The following TCOF1 variants were observed in gnomAD, a reference collection of about 807,000 sequenced individuals.
TCOF1 encodes the protein treacle protein.
Under a neutral mutation model 149.0 loss-of-function variants are expected in TCOF1, and 33 were observed. The observed-to-expected ratio is 0.22, with a 90% confidence interval of 0.17 to 0.30. TCOF1 has a LOEUF of 0.30. Among genes scored for constraint, TCOF1 ranks in the 10% least tolerant of loss-of-function variants. The pLI is 1.00. For missense variants in TCOF1, 1,728 were observed against 1,840.7 expected (o/e 0.94, Z 1.12); for synonymous variants, 789 against 738.8 (o/e 1.07, Z -1.10).
intron 1 of TCOF1, among the ~76,000 whole-genome samples, chr5:150,359,068 C>T (rs1759375820): frequency 6.6e-6 from 1 of 151,752 alleles, no homozygotes; most frequent in African/African-American, 2.4e-5. Context: ...CATAGCAGGC[C>T]AGGTACGGTA....
rs1202359312 is a variant in TCOF1, at chr5:150,378,895, C to G, written c.2341-10C>G. The G allele has an allele frequency of 6.2e-7, 1 of 1,614,064 alleles. No individual in the cohort carries two copies. The highest frequency in any genetic ancestry group is 8.5e-7 in the Non-Finnish European group (1 of 1,180,034). On this transcript the variant is annotated splice_polypyrimidine_tract_variant and intron_variant, in intron 14 of 26. Transcript: ENST00000643257. ...CCTTCTCCCTCCTTAATTCCCTTTTCTCCACTCAGGTGAAAACCTCAGTAA... is the reference window on the plus strand; with the variant it reads ...CCTTCTCCCTCCTTAATTCCCTTTTGTCCACTCAGGTGAAAACCTCAGTAA...
At chr5:150,388,310 T>C (rs1176445181) in intron 18 of TCOF1, among the ~76,000 whole-genome samples, 1 of 152,162 alleles carries the variant, frequency 6.6e-6, no homozygotes, top group East Asian at 1.9e-4. Context: ...GCAGCCCCAG[T>C]CATGGAGCCC....
chr5:150,398,529 C>T (rs1769066705), intron 25 of TCOF1, 78 bp downstream of exon 25: 1 of 1,600,824 alleles, frequency 6.2e-7, no homozygotes, highest in Non-Finnish European at 8.5e-7. Flanking sequence ...AGACCTGGTT[C>T]CTGCCCCCTT....
chr5:150,399,646 C>G (rs1769374686), intron 26 of TCOF1, among the ~76,000 whole-genome samples, 164 bp from the exon 27 acceptor site: 1 of 152,154 alleles, frequency 6.6e-6, no homozygotes, highest in South Asian at 2.1e-4. Flanking sequence ...TGAAGCTAAA[C>G]TAAACACTAA....
At chr5:150,398,051 T>C (rs1768936572) in intron 24 of TCOF1, among the ~76,000 whole-genome samples, 1 of 152,186 alleles carries the variant, frequency 6.6e-6, no homozygotes, top group Non-Finnish European at 1.5e-5. Flanking sequence ...GCCCCCCAAA[T>C]AGCTGGGACC....
At chr5:150,367,594 G>T in intron 3 of TCOF1, 2 of 510,854 alleles carry the variant, frequency 3.9e-6, no homozygotes. Flanking sequence ...TCATGCTGCG[G>T]GGGAGTTGGG....
chr5:150,374,211 C>T lies in TCOF1; in HGVS notation c.908C>T (p.Ala303Val), dbSNP rs1355198374. 6.2e-7 allele frequency: 1 copy of T among 1,612,866 alleles called. No individual in the cohort carries two copies. The change falls in exon 8 of 27, where the codon GCC becomes GTC. Residue 303 changes from alanine to valine, a missense_variant. Ala to Val is a moderately conservative substitution (Grantham distance 64, BLOSUM62 0). Around this residue, in one of 2 missense-constraint regions of TCOF1, gnomAD observed 1,696 missense variants for 1,765.4 expected, o/e 0.96. Coordinates refer to ENST00000643257, the MANE Select transcript of TCOF1 (RefSeq NM_001371623.1). Reference sequence around the variant, plus strand: ...GAAAAAATTCTCCAGGTCAGAGCTGCCTCAGCCCCTGCCAAGGGGACCCCT... The same window carrying T: ...GAAAAAATTCTCCAGGTCAGAGCTGTCTCAGCCCCTGCCAAGGGGACCCCT... The part of the protein sequence containing the change: ...ASEKILQVRA[A>V]SAPAKGTPGK...
chr5:150,398,737 C>T (rs1195714158), intron 25 of TCOF1, among the ~76,000 whole-genome samples: 1 of 152,240 alleles, frequency 6.6e-6, no homozygotes, highest in Non-Finnish European at 1.5e-5. Context: ...TGAAAGGAAA[C>T]GTTGCCTGGG....
intron 17 of TCOF1, among the ~76,000 whole-genome samples, chr5:150,382,831 A>G (rs1765496140): frequency 6.6e-6 from 1 of 152,186 alleles, no homozygotes; most frequent in African/African-American, 2.4e-5. Flanking sequence ...GGAGTCATAA[A>G]TCCCTTTCAT....
At chr5:150,384,447 A>G in intron 17 of TCOF1, 1 of 985,322 alleles carries the variant, frequency 1.0e-6, no homozygotes, top group Non-Finnish European at 1.2e-6. Context: ...TCACATTCTG[A>G]CCCGTTGCCT....
At chr5:150,395,586 C>A (rs1768310369) in intron 23 of TCOF1, among the ~76,000 whole-genome samples, 1 of 151,290 alleles carries the variant, frequency 6.6e-6, no homozygotes, top group South Asian at 2.1e-4. Context: ...CAAAGGCAAG[C>A]AGAGGCGTGG....
chr5:150,372,384 A>G lies in TCOF1; in HGVS notation c.870+148A>G. 3 of 718,966 alleles carry G rather than the reference A, an allele frequency of 4.2e-6. No individual in the cohort carries two copies. The Admixed American group carries it at 8.6e-5, about 21-fold the overall frequency. 44.5% of individuals were successfully genotyped at this position (718,966 alleles called of 1,614,324 possible). A position where few individuals can be genotyped will look rare whatever the true frequency, so the allele number is the denominator to read the frequency against. On this transcript the variant is annotated intron_variant, in intron 7 of 26. Coordinates refer to ENST00000643257, the MANE Select transcript of TCOF1 (RefSeq NM_001371623.1). The stretch of plus-strand genomic sequence containing the variant: ...AGAGCAAGAACAGCCTGCTTCCCAC[A>G]GGGGAGTCTTGCACTCCACTTTGTC...
chr5:150,358,177 C>T (rs1391802492), intron 1 of TCOF1, among the ~76,000 whole-genome samples: 1 of 152,094 alleles, frequency 6.6e-6, no homozygotes, highest in East Asian at 1.9e-4. Context: ...AAGTCTCCCG[C>T]CACGTGGCTA....
chr5:150,374,035 G>C, intron 7 of TCOF1, 139 bp from the exon 8 acceptor site: 1 of 953,622 alleles, frequency 1.0e-6, no homozygotes, highest in East Asian at 2.6e-5. Context: ...TGTGGCCAAA[G>C]TATCAGTCAA....
intron 2 of TCOF1, among the ~76,000 whole-genome samples, chr5:150,363,408 C>T (rs532168591): frequency 5.9e-5 from 9 of 152,268 alleles, no homozygotes; most frequent in African/African-American, 7.2e-5. Flanking sequence ...GGTCAATGGG[C>T]GTGAGACTTC....
At chr5:150,361,131 T>G (rs1408502536) in intron 1 of TCOF1, 25 bp from the exon 2 acceptor site, 1 of 1,614,108 alleles carries the variant, frequency 6.2e-7, no homozygotes, top group South Asian at 1.1e-5. Flanking sequence ...GGATTAATTG[T>G]GGCTTTCTCT....
chr5:150,385,180 T>G lies in TCOF1; in HGVS notation c.2860-2722T>G, dbSNP rs888675101. On this transcript the variant is annotated intron_variant, in intron 17 of 26. Coordinates refer to ENST00000643257, the MANE Select transcript of TCOF1 (RefSeq NM_001371623.1). ...CAGTTTCACTTGTCGGTAATATTTT[T>G]TAAGGCCAACTTCTTCTATTAGTTT... 22 of 781,856 alleles carry G rather than the reference T, an allele frequency of 2.8e-5. No individual in the cohort carries two copies. The African/African-American group carries it at 4.1e-4, about 15-fold the overall frequency. The allele number at this position is 781,856 out of a possible 1,614,324, so 48.4% of individuals were successfully genotyped here.
chr5:150,396,082 G>T (rs921625079), intron 23 of TCOF1, among the ~76,000 whole-genome samples, 200 bp from the exon 24 acceptor site: 1 of 152,186 alleles, frequency 6.6e-6, no homozygotes, highest in Non-Finnish European at 1.5e-5. Flanking sequence ...AGTTAGAAAT[G>T]AAGTCAGGGT....
At chr5:150,397,711 C>T (rs1768872592) in intron 24 of TCOF1, among the ~76,000 whole-genome samples, 1 of 152,118 alleles carries the variant, frequency 6.6e-6, no homozygotes, top group Non-Finnish European at 1.5e-5. Flanking sequence ...GACTTGCAGC[C>T]CCTTGGTGCT....
Sources: allele counts gnomAD v4.1 joint callset (sites outside exome capture counted in the v4.1 genomes callset), GRCh38; gene constraint gnomAD v4.1.1; regional missense constraint gnomAD v4.1.1; transcripts MANE v1.5; gene names NCBI Gene and HGNC (gene_info 2026-07-23, HGNC 2026-07-21).